Variants in KCNIP4 observed in about 807,000 individuals in gnomAD.
The protein encoded by KCNIP4 is Kv channel-interacting protein 4.
In KCNIP4, 12 loss-of-function variants were observed where a neutral mutation model predicts 34.0. The ratio of observed to expected loss-of-function variants is 0.35; its 90% confidence interval spans 0.23 to 0.57. The LOEUF (loss-of-function observed/expected upper bound fraction) is 0.57. Ranked by LOEUF, KCNIP4 falls within the 20% of genes least tolerant of loss-of-function variation. The pLI, the probability that KCNIP4 is intolerant of heterozygous loss-of-function variation, is 0.83. For missense variants in KCNIP4, 238 were observed against 311.7 expected, an observed-to-expected ratio of 0.76 and a Z score of 1.78; for synonymous variants, 124 against 102.2, an observed-to-expected ratio of 1.21 and a Z score of -1.29.
intron 1 of KCNIP4, among the ~76,000 whole-genome samples, chr4:20,956,308 T>C (rs1733295734): frequency 6.6e-6 from 1 of 152,098 alleles, no homozygotes; most frequent in African/African-American, 2.4e-5. Context: ...ATTGAGACAA[T>C]CCTGGCTAAC....
chr4:20,921,771 C>A (rs1469577286), intron 1 of KCNIP4, among the ~76,000 whole-genome samples: 2 of 152,054 alleles, frequency 1.3e-5, no homozygotes, highest in Non-Finnish European at 2.9e-5. Flanking sequence ...GAAATAAAAG[C>A]AATAATGAAT....
At chr4:20,802,187 A>G (rs140436792) in intron 3 of KCNIP4, among the ~76,000 whole-genome samples, 1 of 57,778 alleles carries the variant, frequency 1.7e-5, no homozygotes, top group African/African-American at 4.9e-5. Context: ...TATATATGCT[A>G]TATATATGCT....
chr4:20,777,950 GGAA>G (rs1756519515), intron 3 of KCNIP4, among the ~76,000 whole-genome samples: 1 of 152,158 alleles, frequency 6.6e-6, no homozygotes, highest in Non-Finnish European at 1.5e-5. Context: ...AGCCTTGGTG[GGAA>G]GCTACATTTA....
intron 1 of KCNIP4, among the ~76,000 whole-genome samples, chr4:21,895,593 G>A (rs1727339420): frequency 6.6e-6 from 1 of 152,108 alleles, no homozygotes. Flanking sequence ...ACCTAGAATA[G>A]GACCTAGCAG....
chr4:20,960,384 G>C (rs1045662296), intron 1 of KCNIP4, among the ~76,000 whole-genome samples: 1 of 152,170 alleles, frequency 6.6e-6, no homozygotes, highest in African/African-American at 2.4e-5. Context: ...GACAAAATTA[G>C]GCACAGCCAG....
intron 1 of KCNIP4, among the ~76,000 whole-genome samples, chr4:20,888,471 T>C (rs954706055): frequency 2.0e-5 from 3 of 152,106 alleles, no homozygotes; most frequent in African/African-American, 7.2e-5. Flanking sequence ...CCTAAATAGA[T>C]AGCTGTGTGT....
chr4:21,021,502 G>T (rs1740030176), intron 1 of KCNIP4, among the ~76,000 whole-genome samples: 1 of 151,908 alleles, frequency 6.6e-6, no homozygotes, highest in Non-Finnish European at 1.5e-5. Flanking sequence ...TAAACACATT[G>T]TATAGTTGTA....
chr4:21,261,709 A>T (rs1761483412), intron 1 of KCNIP4, among the ~76,000 whole-genome samples: 1 of 152,112 alleles, frequency 6.6e-6, no homozygotes, highest in Admixed American at 6.6e-5. Context: ...TAATCTATTA[A>T]GTCCTATTGG....
intron 1 of KCNIP4, among the ~76,000 whole-genome samples, chr4:21,121,349 T>C (rs919816672): frequency 6.6e-6 from 1 of 152,230 alleles, no homozygotes; most frequent in Admixed American, 6.5e-5. Context: ...CCTGGTTTTC[T>C]TGGTTGATGG....
chr4:21,154,364 T>G (rs576011821), intron 1 of KCNIP4, among the ~76,000 whole-genome samples: 52 of 152,288 alleles, frequency 3.4e-4, no homozygotes, highest in African/African-American at 1.2e-3. Flanking sequence ...CCACAGAAAC[T>G]TAAGGTAAAA....
chr4:21,600,478 T>C (rs1194557677), intron 1 of KCNIP4, among the ~76,000 whole-genome samples: 1 of 151,980 alleles, frequency 6.6e-6, no homozygotes, highest in African/African-American at 2.4e-5. Context: ...ATTTACTTTT[T>C]ATTTGAGAAA....
intron 2 of KCNIP4, among the ~76,000 whole-genome samples, chr4:20,870,993 A>G (rs1322086528): frequency 6.6e-6 from 1 of 152,140 alleles, no homozygotes; most frequent in Non-Finnish European, 1.5e-5. Context: ...ATGGCTTTGT[A>G]TATCAATGAT....
chr4:21,812,835 C>T (rs544667901), intron 1 of KCNIP4, among the ~76,000 whole-genome samples: 1 of 152,302 alleles, frequency 6.6e-6, no homozygotes, highest in African/African-American at 2.4e-5. Flanking sequence ...TACCTACTGT[C>T]TCACCCAGGA....
chr4:20,922,009 C>T (rs565750620), intron 1 of KCNIP4, among the ~76,000 whole-genome samples: 2 of 152,274 alleles, frequency 1.3e-5, no homozygotes, highest in Admixed American at 1.3e-4. Context: ...AAACTCATTT[C>T]AGATGATGTG....
At chr4:20,890,879 A>G (rs1725847425) in intron 1 of KCNIP4, among the ~76,000 whole-genome samples, 1 of 152,022 alleles carries the variant, frequency 6.6e-6, no homozygotes, top group African/African-American at 2.4e-5. Context: ...TGATTGCTCC[A>G]TTTTTCTGGT....
At chr4:21,135,392 T>C (rs1025406026) in intron 1 of KCNIP4, among the ~76,000 whole-genome samples, 4 of 152,194 alleles carry the variant, frequency 2.6e-5, no homozygotes, top group African/African-American at 9.6e-5. Context: ...AAAGTAAAGA[T>C]GTGCAAAGCA....
intron 1 of KCNIP4, among the ~76,000 whole-genome samples, chr4:21,483,830 A>G (rs1731670996): frequency 7.2e-6 from 1 of 138,294 alleles, no homozygotes; most frequent in South Asian, 2.3e-4. Context: ...AAAAATAAAA[A>G]TGTGTGTGGT....
intron 1 of KCNIP4, among the ~76,000 whole-genome samples, chr4:20,988,578 G>A (rs1736802070): frequency 6.6e-6 from 1 of 152,126 alleles, no homozygotes. Flanking sequence ...AATAAGTGTA[G>A]CAAGATTGAG....
intron 3 of KCNIP4, among the ~76,000 whole-genome samples, chr4:20,784,102 A>AT (rs1489437072): frequency 6.6e-6 from 1 of 152,332 alleles, no homozygotes; most frequent in Non-Finnish European, 1.5e-5. Context: ...CTAAAACAAT[A>AT]TAAGTCTGTC....
Sources: allele counts gnomAD v4.1 joint callset (sites outside exome capture counted in the v4.1 genomes callset), GRCh38; gene constraint gnomAD v4.1.1; transcripts MANE v1.5; gene names NCBI Gene and HGNC (gene_info 2026-07-23, HGNC 2026-07-21).